Variants in SESTD1 observed in about 807,000 individuals in gnomAD.
The protein encoded by SESTD1 is SEC14 domain and spectrin repeat-containing protein 1.
In SESTD1, 43 loss-of-function variants were observed where a neutral mutation model predicts 101.7. The observed-to-expected ratio is 0.42, with a 90% CI of 0.33 to 0.55. SESTD1 has a LOEUF of 0.55. Among genes scored for constraint, SESTD1 ranks in the 20% least tolerant of loss-of-function variants. The pLI, the probability that SESTD1 is intolerant of heterozygous loss-of-function variation, is 0.07. For synonymous variants in SESTD1, 283 were observed against 286.8 expected (o/e 0.99, Z 0.13); for missense variants, 647 against 815.1 (o/e 0.79, Z 2.51).
chr2:179,115,636 T>C (rs1324373061), intron 15 of SESTD1, among the ~76,000 whole-genome samples: 3 of 152,080 alleles, frequency 2.0e-5, no homozygotes, highest in Non-Finnish European at 4.4e-5. Flanking sequence ...TAGTCCTAGC[T>C]ACCTTGGAGG....
rs2045524875 is a variant in SESTD1, at chr2:179,151,265, G to A, written c.483+13C>T. The A allele has an allele frequency of 6.6e-7, 1 of 1,522,708 alleles. No homozygotes were observed. The highest frequency in any genetic ancestry group is 8.9e-7 in the Non-Finnish European group (1 of 1,121,144). 94.3% of individuals were successfully genotyped at this position (1,522,708 alleles called of 1,614,324 possible). A position where few individuals can be genotyped will look rare whatever the true frequency, so the allele number is the denominator to read the frequency against. ...CTATGCAATAACATTTTATCTCATT[G>A]TAATATACCAACCAGCCTCTTATTT... On this transcript the variant is annotated intron_variant, in intron 6 of 17. Transcript: ENST00000428443.
intron 2 of SESTD1, among the ~76,000 whole-genome samples, chr2:179,187,107 C>T (rs769299624): frequency 8.6e-5 from 13 of 151,826 alleles, no homozygotes; most frequent in Non-Finnish European, 1.5e-4. Flanking sequence ...CCAAAGAGAT[C>T]CTTAAGGGAG....
chr2:179,209,919 T>C (rs1318207037), intron 1 of SESTD1, among the ~76,000 whole-genome samples: 1 of 133,612 alleles, frequency 7.5e-6, no homozygotes, highest in Non-Finnish European at 1.6e-5. Flanking sequence ...AAAAAAAAGC[T>C]GGTTCTTTGA....
intron 9 of SESTD1, among the ~76,000 whole-genome samples, chr2:179,136,467 A>G (rs181952196): frequency 6.6e-6 from 1 of 152,364 alleles, no homozygotes. Flanking sequence ...TTAAGGAAAC[A>G]TAGGTAAACA....
chr2:179,176,741 T>C (rs1198991374), intron 3 of SESTD1, among the ~76,000 whole-genome samples: 1 of 152,216 alleles, frequency 6.6e-6, no homozygotes, highest in East Asian at 1.9e-4. Flanking sequence ...TTAGGAAATG[T>C]TCACAATTTA....
At chr2:179,222,871 T>C (rs545170827) in intron 1 of SESTD1, among the ~76,000 whole-genome samples, 46 of 152,304 alleles carry the variant, frequency 3.0e-4, no homozygotes, top group Non-Finnish European at 5.1e-4. Flanking sequence ...CTCTCCACTA[T>C]ATTACATTGT....
In SESTD1 at chr2:179,109,439, A is replaced by C. The variant is rs1319440463; in HGVS notation, c.*460T>G. 3 of 338,704 alleles carry C rather than the reference A, an allele frequency of 8.9e-6. No homozygotes were observed. Among genetic ancestry groups the C allele is most frequent in the Admixed American group, 4.7e-5 (1 of 21,146 alleles). 21.0% of individuals were successfully genotyped at this position (338,704 alleles called of 1,614,324 possible). On this transcript the variant is annotated 3_prime_UTR_variant, in exon 18 of 18. Transcript: ENST00000428443. The stretch of plus-strand genomic sequence containing the variant: ...TTCTCTGTATTGACACAATAAAAAT[A>C]ATCAATTCTGAAGAATTACAAAGTA...
At chr2:179,128,007 G>A (rs2044916454) in intron 10 of SESTD1, among the ~76,000 whole-genome samples, 1 of 152,184 alleles carries the variant, frequency 6.6e-6, no homozygotes, top group Non-Finnish European at 1.5e-5. Context: ...AAGCAGTGAA[G>A]GATTAGAGTC....
rs761573358 is a variant in SESTD1, at chr2:179,191,771, TAAG to T, written c.55+13_55+15del. The T allele has an allele frequency of 1.9e-6, 3 of 1,606,794 alleles. No individual in the cohort carries two copies. The highest frequency in any genetic ancestry group is 1.7e-5 in the Admixed American group (1 of 58,982). ...TTTGTATATCAAACACTTCAAATTT[TAAG>T]AAGAAATCATACCTGAAAGGAAGGC... On this transcript the variant is annotated intron_variant, in intron 2 of 17. Transcript: ENST00000428443.
At chr2:179,253,156 C>T (rs1416825255) in intron 1 of SESTD1, among the ~76,000 whole-genome samples, 1 of 152,016 alleles carries the variant, frequency 6.6e-6, no homozygotes, top group African/African-American at 2.4e-5. Context: ...AAGTAAGGTT[C>T]AACACTTTTG....
chr2:179,220,271 A>T (rs1442167342), intron 1 of SESTD1, among the ~76,000 whole-genome samples: 1 of 152,204 alleles, frequency 6.6e-6, no homozygotes, highest in Non-Finnish European at 1.5e-5. Flanking sequence ...GAAGGTCCAG[A>T]TTTAAAGTTC....
At chr2:179,214,028 G>A (rs1441637085) in intron 1 of SESTD1, among the ~76,000 whole-genome samples, 1 of 134,944 alleles carries the variant, frequency 7.4e-6, no homozygotes, top group Admixed American at 7.2e-5. Flanking sequence ...GCAAAAACGT[G>A]CCAATGTGTA....
chr2:179,227,334 A>G (rs2105533546), intron 1 of SESTD1, among the ~76,000 whole-genome samples: 1 of 152,238 alleles, frequency 6.6e-6, no homozygotes, highest in Middle Eastern at 3.4e-3. Flanking sequence ...TTCAGTTCCT[A>G]GTACATTCTC....
intron 1 of SESTD1, among the ~76,000 whole-genome samples, chr2:179,233,360 A>C (rs1040843541): frequency 1.3e-5 from 2 of 152,234 alleles, no homozygotes; most frequent in African/African-American, 4.8e-5. Flanking sequence ...CTACTGTTAA[A>C]GGTAGTTACA....
rs2046613098 is a variant in SESTD1 at position 179,208,259 on chromosome 2, C to T, written c.-25-16393G>A. On this transcript the variant is annotated intron_variant, in intron 1 of 17. Coordinates refer to ENST00000428443, the MANE Select transcript of SESTD1 (RefSeq NM_178123.5). Reference sequence around the variant, plus strand: ...ACCAAACATAAAAATAATTGGTGTTCCTGAGGAAGAAGAGAATTCTAAAAG... The same window carrying T: ...ACCAAACATAAAAATAATTGGTGTTTCTGAGGAAGAAGAGAATTCTAAAAG... 1.5e-5 allele frequency among the ~76,000 whole-genome samples: 2 copies of T among 135,018 alleles called. 1 individual carries two copies. Among genetic ancestry groups the T allele is most frequent in the Non-Finnish European group, 3.2e-5 (2 of 62,804 alleles). The allele number at this position is 135,018 out of a possible 152,430, so 88.6% of individuals were successfully genotyped here.
chr2:179,179,827 A>T (rs905722593), intron 3 of SESTD1, among the ~76,000 whole-genome samples: 11 of 151,982 alleles, frequency 7.2e-5, no homozygotes, highest in African/African-American at 2.4e-4. Context: ...TCCCCCTCCC[A>T]GCACTGTGCT....
intron 1 of SESTD1, among the ~76,000 whole-genome samples, chr2:179,210,374 A>G (rs1456222837): frequency 1.5e-5 from 2 of 134,440 alleles, no homozygotes; most frequent in Non-Finnish European, 3.2e-5. Flanking sequence ...AAAGGACATA[A>G]CAAAAAAAGA....
chr2:179,129,957 A>C (rs1270444257), intron 10 of SESTD1, among the ~76,000 whole-genome samples: 1 of 152,178 alleles, frequency 6.6e-6, no homozygotes, highest in Non-Finnish European at 1.5e-5. Flanking sequence ...ATTCTGTTTC[A>C]CATACACTCC....
At chr2:179,151,249 AACATT>A in intron 6 of SESTD1, 24 bp downstream of exon 6, 2 of 1,358,366 alleles carry the variant, frequency 1.5e-6, no homozygotes, top group Non-Finnish European at 2.0e-6. Context: ...TCTATGCAAT[AACATT>A]TTATCTCATT....
Sources: gnomAD v4.1 joint callset for allele counts (sites outside exome capture counted in the v4.1 genomes callset) on GRCh38, gnomAD v4.1.1 for gene constraint, MANE v1.5 for transcripts, NCBI Gene and HGNC (gene_info 2026-07-23, HGNC 2026-07-21) for gene names.